The following ZNF138 variants were observed in gnomAD, a reference collection of about 807,000 sequenced individuals.
The protein encoded by ZNF138 is zinc finger protein 138.
ZNF138 carries 33 observed loss-of-function variants against 33.0 expected under a neutral mutation model. That is an observed-to-expected ratio of 1.00 (90% CI 0.76 to 1.34). The LOEUF is 1.34. Ranked by LOEUF, ZNF138 falls within the 40% of genes most tolerant of loss-of-function variation. The probability of loss-of-function intolerance (pLI) is 0.00; values close to 1 mark genes in which losing one functional copy is unlikely to be tolerated. For missense variants in ZNF138, 360 were observed against 370.8 expected (o/e 0.97, Z 0.24); for synonymous variants, 139 against 120.4 (o/e 1.15, Z -1.01).
chr7:64,837,255 C>T (rs1012577796), downstream of ZNF138, among the ~76,000 whole-genome samples: 27 of 152,018 alleles, frequency 1.8e-4, no homozygotes, highest in African/African-American at 5.6e-4. Context: ...GTTTAGCTGC[C>T]GTCGGTGTTG....
intron 1 of ZNF138, chr7:64,813,998 C>T: frequency 1.8e-6 from 2 of 1,137,884 alleles, no homozygotes; most frequent in Non-Finnish European, 2.2e-6. Context: ...GCCTTTCTAT[C>T]TTAGGTTTCC....
At chr7:64,816,199 A>C (rs1034186279) in intron 3 of ZNF138, among the ~76,000 whole-genome samples, 1 of 152,116 alleles carries the variant, frequency 6.6e-6, no homozygotes, top group Non-Finnish European at 1.5e-5. Context: ...TTGTAGTTTC[A>C]TGTAAATTTT....
chr7:64,809,742 G>T (rs1486952371), intron 1 of ZNF138, among the ~76,000 whole-genome samples: 9 of 145,430 alleles, frequency 6.2e-5, no homozygotes, highest in Non-Finnish European at 1.2e-4. Context: ...CTTCTCAGAC[G>T]GGGCGGCCGG....
the ZNF138 span, among the ~76,000 whole-genome samples, chr7:64,860,155 A>G: frequency 3.3e-5 from 5 of 152,224 alleles, no homozygotes; most frequent in African/African-American, 7.2e-5. Flanking sequence ...TAATTATACA[A>G]TTATAACATC....
the ZNF138 span, chr7:64,853,279 G>C: frequency 6.2e-7 from 1 of 1,611,930 alleles, no homozygotes; most frequent in African/African-American, 1.3e-5. Flanking sequence ...GTGCCCTTCA[G>C]TTCAGTGAAT....
chr7:64,824,715 C>T (rs1789430179), intron 3 of ZNF138, among the ~76,000 whole-genome samples: 1 of 152,024 alleles, frequency 6.6e-6, no homozygotes, highest in Non-Finnish European at 1.5e-5. Flanking sequence ...TACATAATAT[C>T]AGTTTTTGTC....
chr7:64,831,778 T>C lies in ZNF138; in HGVS notation c.536T>C (p.Leu179Pro). 6.2e-7 allele frequency: 1 copy of C among 1,613,752 alleles called. No individual in the cohort carries two copies. The highest frequency in any genetic ancestry group is 8.5e-7 in the Non-Finnish European group (1 of 1,179,914). The change falls in exon 4 of 4, where the codon CTT becomes CCT. Residue 179 changes from leucine to proline, a missense_variant. Leu to Pro is a moderately conservative substitution (Grantham distance 98). Coordinates refer to ENST00000307355, the MANE Select transcript of ZNF138 (RefSeq NM_001271639.2). ...GAATGTGACAAATCACTTTGCATGC[T>C]TTCACGCCTAACTCAACATAAAAAA... is the stretch of plus-strand genomic sequence containing the variant. Reference protein sequence around the residue: ...CKECDKSLCMLSRLTQHKKIH... With the variant: ...CKECDKSLCMPSRLTQHKKIH...
At chr7:64,834,030 T>C (rs1729645383), downstream of ZNF138, among the ~76,000 whole-genome samples, 1 of 152,146 alleles carries the variant, frequency 6.6e-6, no homozygotes, top group Non-Finnish European at 1.5e-5. Flanking sequence ...CCAGCCAATA[T>C]AAGCCTTTAA....
rs1464926 is a variant in ZNF138, at chr7:64,833,160, A to C, written c.*958A>C. 0.99 allele frequency: 240,335 copies of C among 242,632 alleles called. 119,075 individuals carry two copies. The highest frequency in any genetic ancestry group is 1 in the East Asian group (10,112 of 10,112). The allele number at this position is 242,632 out of a possible 1,614,324, so 15.0% of individuals were successfully genotyped here. A position where few individuals can be genotyped will look rare whatever the true frequency, so the allele number is the denominator to read the frequency against. On this transcript the variant is annotated 3_prime_UTR_variant, in exon 4 of 4. Coordinates refer to ENST00000307355, the MANE Select transcript of ZNF138 (RefSeq NM_001271639.2). Reference sequence around the variant, plus strand: ...CCTAAAATTCATGCAGGAGAGAAACACCACAAATGTGAAAAATTTGGTAAA... The same window carrying C: ...CCTAAAATTCATGCAGGAGAGAAACCCCACAAATGTGAAAAATTTGGTAAA...
the ZNF138 span, among the ~76,000 whole-genome samples, chr7:64,849,436 G>A: frequency 2.6e-5 from 4 of 152,076 alleles, no homozygotes; most frequent in African/African-American, 9.7e-5. Context: ...AGGAGGTGGC[G>A]CTTTAAAGGG....
At chr7:64,813,883 C>T (rs549977871) in intron 1 of ZNF138, among the ~76,000 whole-genome samples, 2 of 152,296 alleles carry the variant, frequency 1.3e-5, no homozygotes, top group Admixed American at 6.5e-5. Flanking sequence ...GGTTAAAGAG[C>T]TCTTGGACAG....
chr7:64,859,303 T>C, the ZNF138 span, among the ~76,000 whole-genome samples: 1 of 152,228 alleles, frequency 6.6e-6, no homozygotes, highest in Non-Finnish European at 1.5e-5. Context: ...TTGTGTTTTT[T>C]GGACTCATCT....
Position 64,816,133 on chromosome 7 carries a change from G to T in ZNF138, c.208+480G>T, listed in dbSNP as rs113790703. Among the ~76,000 whole-genome samples the T allele has an allele frequency of 2.6e-5, 4 of 151,994 alleles. No individual in the cohort carries two copies. In the East Asian group the frequency reaches 7.8e-4, roughly 30 times the overall value. ...AATGTAGTTTGAAATTATGAAATAT[G>T]ATGTCCCTCTACTTTGTTCTTTTTC... On this transcript the variant is annotated intron_variant, in intron 3 of 3. Transcript: ENST00000307355.
chr7:64,855,419 T>A, the ZNF138 span, among the ~76,000 whole-genome samples: 1 of 151,152 alleles, frequency 6.6e-6, no homozygotes, highest in African/African-American at 2.5e-5. Flanking sequence ...TGAGATAAAG[T>A]CTTCTTAGTT....
the ZNF138 span, among the ~76,000 whole-genome samples, chr7:64,847,918 T>C: frequency 6.6e-6 from 1 of 152,188 alleles, no homozygotes; most frequent in African/African-American, 2.4e-5. Flanking sequence ...TATACTGTTT[T>C]TTTTTAAATT....
the ZNF138 span, among the ~76,000 whole-genome samples, chr7:64,860,696 T>C: frequency 6.6e-6 from 1 of 152,236 alleles, no homozygotes; most frequent in Non-Finnish European, 1.5e-5. Flanking sequence ...TGTCACTGAA[T>C]TTATGAAAGC....
In ZNF138 at chr7:64,796,397, T is replaced by C. The variant is rs564583616; in HGVS notation, c.3+1826T>C. Among the ~76,000 whole-genome samples, 25 of 152,254 alleles carry C rather than the reference T, an allele frequency of 1.6e-4. 1 individual carries two copies. The South Asian group carries it at 5.2e-3, about 32-fold the overall frequency. ...TGACTTGACATGTGAGTGAGATACATCTGTTTTTTAATCAGCACTGCCACT... is the reference window on the plus strand; with the variant it reads ...TGACTTGACATGTGAGTGAGATACACCTGTTTTTTAATCAGCACTGCCACT... On this transcript the variant is annotated intron_variant, in intron 1 of 3. Transcript: ENST00000307355.
downstream of ZNF138, among the ~76,000 whole-genome samples, chr7:64,834,985 C>T (rs187664381): frequency 0.016 from 2,491 of 152,280 alleles, 34 homozygotes; most frequent in Non-Finnish European, 0.024. Flanking sequence ...GGGCGAGGTT[C>T]ACTGGTCCAC....
the ZNF138 span, chr7:64,853,135 C>T: frequency 6.8e-7 from 1 of 1,466,798 alleles, no homozygotes; most frequent in African/African-American, 1.4e-5. Context: ...CACCGTGTCT[C>T]AAAGGAATGA....
Sources: allele counts gnomAD v4.1 joint callset (sites outside exome capture counted in the v4.1 genomes callset), GRCh38; gene constraint gnomAD v4.1.1; transcripts MANE v1.5; gene names NCBI Gene and HGNC (gene_info 2026-07-23, HGNC 2026-07-21).